GRAMD1A: variants seen among roughly 807,000 people sequenced by gnomAD.
The protein encoded by GRAMD1A is protein Aster-A.
GRAMD1A carries 50 observed loss-of-function variants against 92.0 expected under a neutral mutation model. The observed-to-expected ratio is 0.54, with a 90% CI of 0.43 to 0.69. GRAMD1A has a LOEUF of 0.69. GRAMD1A is among the 30% of genes least tolerant of loss of function. GRAMD1A has a pLI of 0.00. For synonymous variants in GRAMD1A, 405 were observed against 403.6 expected (o/e 1.00, Z -0.04); for missense variants, 819 against 978.9 (o/e 0.84, Z 2.18).
chr19:35,008,546 G>A (rs916231133), intron 1 of GRAMD1A, among the ~76,000 whole-genome samples: 1 of 151,568 alleles, frequency 6.6e-6, no homozygotes, highest in African/African-American at 2.4e-5. Flanking sequence ...AGTAGGCTGG[G>A]CACGGTGGCT....
In GRAMD1A at chr19:35,009,318, C is replaced by T. The variant is rs374494022; in HGVS notation, c.208C>T (p.Arg70Cys). Residue 70 changes from arginine to cysteine, a missense_variant, in exon 2 of 20, where the codon CGC (arginine) becomes TGC (cysteine). By Grantham distance (180) the Arg-to-Cys change is radical. This residue lies in a region of GRAMD1A where 144 missense variants were observed against 220.3 expected (regional missense o/e 0.65). Coordinates refer to ENST00000317991, the MANE Select transcript of GRAMD1A (RefSeq NM_020895.5). ...TQSLGSRNFI[R>C]NSKKMQSWYS... ...GAGCCTAGGCAGCCGGAACTTCATC[C>T]GCAACAGCAAGGTTGGTGCAAGCCC... The T allele has an allele frequency of 9.9e-6, 16 of 1,613,902 alleles. No individual in the cohort carries two copies. The highest frequency in any genetic ancestry group is 2.7e-5 in the African/African-American group (2 of 75,048).
At chr19:35,008,595 C>G (rs1360904627) in intron 1 of GRAMD1A, among the ~76,000 whole-genome samples, 1 of 152,104 alleles carries the variant, frequency 6.6e-6, no homozygotes, top group African/African-American at 2.4e-5. Flanking sequence ...CCAAGGTGGG[C>G]AGATCATGAG....
chr19:35,013,547 C>T lies in GRAMD1A; in HGVS notation c.726C>T (p.Pro242=). The change falls in exon 9 of 20, where the codon CCC becomes CCT. Residue 242 remains proline (P), a synonymous_variant. Transcript: ENST00000317991. The surrounding 1 kb of genome is among the most constrained non-coding windows in gnomAD (Gnocchi z 4.9). ...TTCCTCCCCTTTCCCACAGGACCCC[C>T]AAGGAAGTGGGAGATGTGATCGCCC... ...SPLQLNGLGT[P]KEVGDVIALS... 3.1e-6 allele frequency: 5 copies of T among 1,602,906 alleles called. No individual in the cohort carries two copies. Among genetic ancestry groups the T allele is most frequent in the East Asian group, 2.2e-5 (1 of 44,700 alleles).
At position 35,021,744 on chromosome 19, in the gene GRAMD1A, G is replaced by T; in HGVS notation, c.1633G>T (p.Ala545Ser). The T allele has an allele frequency of 1.9e-6, 3 of 1,613,844 alleles. No individual in the cohort carries two copies. Among genetic ancestry groups the T allele is most frequent in the Non-Finnish European group, 2.5e-6 (3 of 1,179,992 alleles). The change falls in exon 15 of 20, where the codon GCC becomes TCC. Residue 545 changes from alanine (A) to serine (S), a missense_variant. Physicochemically the swap from Ala to Ser is moderately conservative, Grantham distance 99. Transcript: ENST00000317991. The surrounding 1 kb of genome is among the most constrained non-coding windows in gnomAD (Gnocchi z 5.3). Reference sequence around the variant, plus strand: ...GTCTCTGGAGGAAGGCGGGAAGGATGCCCGGGGCTTGCTATCCGGCCTGCG... The same window carrying T: ...GTCTCTGGAGGAAGGCGGGAAGGATTCCCGGGGCTTGCTATCCGGCCTGCG... ...KLSLEEGGKD[A>S]RGLLSGLRRR...
intron 19 of GRAMD1A, 31 bp downstream of exon 19, chr19:35,023,578 G>T: frequency 6.5e-7 from 1 of 1,543,878 alleles, no homozygotes; most frequent in Non-Finnish European, 8.7e-7. Flanking sequence ...AGGGCTCGGG[G>T]CTGCGGGGCT....
intron 2 of GRAMD1A, 29 bp downstream of exon 2, chr19:35,009,358 G>C: frequency 6.2e-7 from 1 of 1,613,680 alleles, no homozygotes. Flanking sequence ...GGGGTGGGGA[G>C]AGGGCTAGTG....
In GRAMD1A at chr19:35,023,440, A is replaced by G. The variant is rs769550732; in HGVS notation, c.1975A>G (p.Thr659Ala). ...LALAKGKFPQTATEWAEILAL... is the reference protein window; with the variant it reads ...LALAKGKFPQAATEWAEILAL... ...GCATCCCCACAGCAAGTTCCCCCAG[A>G]CGGCCACAGAGTGGGCCGAGATCCT... Residue 659 changes from threonine to alanine, a missense_variant, in exon 19 of 20, where the codon ACG becomes GCG. Coordinates refer to ENST00000317991, the MANE Select transcript of GRAMD1A (RefSeq NM_020895.5). 1.9e-6 allele frequency: 3 copies of G among 1,592,802 alleles called. No individual in the cohort carries two copies. In the Admixed American group the frequency reaches 5.4e-5, roughly 29 times the overall value.
chr19:35,019,307 C>A lies in GRAMD1A; in HGVS notation c.1330C>A (p.Gln444Lys). 1 of 1,612,070 alleles carries A rather than the reference C, an allele frequency of 6.2e-7. No homozygotes were observed. Among genetic ancestry groups the A allele is most frequent in the Non-Finnish European group, 8.5e-7 (1 of 1,178,720 alleles). ...CAAGAGCGCCTCCGTGGTGGAGACA[C>A]AGGTGGGCCAGGTGGGGCAGCCGAG... ...GPKSASVVET[Q>K]TLFRRGPQAG... Residue 444 changes from glutamine (Q) to lysine (K), a missense_variant and splice_region_variant, in exon 12 of 20, where the codon CAG becomes AAG. This residue lies in a region of GRAMD1A where 577 missense variants were observed against 674.6 expected (regional missense o/e 0.86). Coordinates refer to ENST00000317991, the MANE Select transcript of GRAMD1A (RefSeq NM_020895.5).
chr19:35,016,904 CAAAA>C (rs553636601), intron 11 of GRAMD1A, among the ~76,000 whole-genome samples: 2 of 68,444 alleles, frequency 2.9e-5, no homozygotes, highest in Non-Finnish European at 2.8e-5. Flanking sequence ...GACTCTGTCT[CAAAA>C]AAAAAAAAAA....
intron 1 of GRAMD1A, among the ~76,000 whole-genome samples, chr19:35,004,574 G>C (rs1267704475): frequency 6.6e-6 from 1 of 152,172 alleles, no homozygotes; most frequent in African/African-American, 2.4e-5. Context: ...TTCAGCGTCA[G>C]GTCCTTGCAG....
chr19:34,997,388 C>CAAAAAAAAAAAAAAA (rs540666102), upstream of GRAMD1A, among the ~76,000 whole-genome samples: 1 of 113,254 alleles, frequency 8.8e-6, no homozygotes, highest in East Asian at 2.6e-4. Context: ...GCCAAAAAAA[C>CAAAAAAAAAAAAAAA]AAAAAAAAAA....
chr19:34,996,337 G>C (rs968033980), upstream of GRAMD1A: 29 of 1,417,828 alleles, frequency 2.0e-5, no homozygotes, highest in Admixed American at 4.9e-5. Flanking sequence ...CTCTGTCTAG[G>C]GAGGGTTCTC....
intron 6 of GRAMD1A, among the ~76,000 whole-genome samples, chr19:35,010,911 G>A (rs917120654): frequency 6.6e-6 from 1 of 152,052 alleles, no homozygotes; most frequent in Non-Finnish European, 1.5e-5. Flanking sequence ...GCTAGCCTGG[G>A]CAACATAGTG....
intron 13 of GRAMD1A, among the ~76,000 whole-genome samples, chr19:35,020,996 C>T (rs983607503): frequency 1.3e-5 from 2 of 152,094 alleles, no homozygotes; most frequent in African/African-American, 2.4e-5. Flanking sequence ...TTGGATGTGG[C>T]GGTGAGGGAA....
At chr19:34,999,272 G>T (rs774490017), upstream of GRAMD1A, 1 of 152,370 alleles carries the variant, frequency 6.6e-6, no homozygotes, top group Non-Finnish European at 1.5e-5. Context: ...AAAAGACTCT[G>T]AAGTTCTGGG....
At chr19:34,999,170 A>C (rs1477551367), upstream of GRAMD1A, among the ~76,000 whole-genome samples, 1 of 151,932 alleles carries the variant, frequency 6.6e-6, no homozygotes, top group Non-Finnish European at 1.5e-5. Flanking sequence ...GCAGCGGAGG[A>C]AGAAGAGTTT....
At chr19:35,012,837 T>C (rs1347359080) in intron 7 of GRAMD1A, among the ~76,000 whole-genome samples, 2 of 152,180 alleles carry the variant, frequency 1.3e-5, no homozygotes, top group South Asian at 2.1e-4. Flanking sequence ...TAGCTGGGCG[T>C]GGTAGCACGC....
chr19:35,022,823 G>A lies in GRAMD1A; in HGVS notation c.1842-77G>A, dbSNP rs377376966. 1.4e-4 allele frequency: 212 copies of A among 1,499,660 alleles called. No homozygotes were observed. In the African/African-American group the frequency reaches 2.7e-3, roughly 19 times the overall value. The allele number at this position is 1,499,660 out of a possible 1,614,324, so 92.9% of individuals were successfully genotyped here. A position where few individuals can be genotyped will look rare whatever the true frequency, so the allele number is the denominator to read the frequency against. ...TGCTCTCAGCCAAGAGCTGCCCCGG[G>A]TGAGGAGGGCTGGGGGTGTCGGGGG... On this transcript the variant is annotated intron_variant, in intron 16 of 19. Transcript: ENST00000317991.
At chr19:35,007,539 C>G (rs1345259301) in intron 1 of GRAMD1A, among the ~76,000 whole-genome samples, 1 of 151,744 alleles carries the variant, frequency 6.6e-6, no homozygotes, top group Non-Finnish European at 1.5e-5. Flanking sequence ...GCCTGGGCGA[C>G]AGAGAGAGAC....
Sources: gnomAD v4.1 joint callset for allele counts (sites outside exome capture counted in the v4.1 genomes callset) on GRCh38, gnomAD v4.1.1 for gene constraint, gnomAD v4.1.1 regional missense constraint, Gnocchi (gnomAD v3.1) non-coding constraint, MANE v1.5 for transcripts, NCBI Gene and HGNC (gene_info 2026-07-23, HGNC 2026-07-21) for gene names.